The following ESRRG variants were observed in gnomAD, a reference collection of about 807,000 sequenced individuals.
ESRRG encodes estrogen-related receptor gamma.
ESRRG carries 13 observed loss-of-function variants against 44.0 expected under a neutral mutation model. The ratio of observed to expected loss-of-function variants is 0.30; its 90% CI spans 0.19 to 0.47. The LOEUF (loss-of-function observed/expected upper bound fraction) is 0.47. Among genes scored for constraint, ESRRG ranks in the 20% least tolerant of loss-of-function variants. The pLI is 1.00. For synonymous variants in ESRRG, 215 were observed against 214.6 expected (o/e 1.00, Z -0.02); for missense variants, 395 against 580.6 (o/e 0.68, Z 3.29).
intron 1 of ESRRG, among the ~76,000 whole-genome samples, chr1:216,969,810 C>T (rs2071264572): frequency 6.6e-6 from 1 of 152,116 alleles, no homozygotes; most frequent in South Asian, 2.1e-4. Flanking sequence ...GTCTCAAACT[C>T]CTGACCTCAG....
At chr1:216,802,514 T>C (rs2094654893) in intron 2 of ESRRG, among the ~76,000 whole-genome samples, 2 of 152,162 alleles carry the variant, frequency 1.3e-5, no homozygotes, top group African/African-American at 4.8e-5. Flanking sequence ...ACATAATTTG[T>C]GGGGCCCAGT....
At chr1:216,513,172 A>T (rs1408265455) in intron 6 of ESRRG, among the ~76,000 whole-genome samples, 1 of 152,104 alleles carries the variant, frequency 6.6e-6, no homozygotes, top group Non-Finnish European at 1.5e-5. Context: ...CTATATTTTT[A>T]TGTGTTTTTG....
chr1:216,932,134 G>T (rs2149832354), intron 2 of ESRRG, among the ~76,000 whole-genome samples: 1 of 152,238 alleles, frequency 6.6e-6, no homozygotes, highest in South Asian at 2.1e-4. Flanking sequence ...AATCCAGGAG[G>T]CAGAAGTTGC....
chr1:216,776,547 C>T (rs1168469064), intron 2 of ESRRG, among the ~76,000 whole-genome samples: 1 of 152,064 alleles, frequency 6.6e-6, no homozygotes, highest in East Asian at 1.9e-4. Context: ...GTGTCCATAG[C>T]ATAGTTCCTA....
chr1:216,584,175 A>T (rs924157157), intron 3 of ESRRG, among the ~76,000 whole-genome samples: 1 of 152,126 alleles, frequency 6.6e-6, no homozygotes, highest in Non-Finnish European at 1.5e-5. Flanking sequence ...TATAGGGCTT[A>T]TAAGATCTTT....
chr1:216,723,796 G>A (rs531734044), upstream of ESRRG, among the ~76,000 whole-genome samples: 25 of 152,000 alleles, frequency 1.6e-4, no homozygotes, highest in African/African-American at 5.8e-4. Context: ...TCTAAGCACT[G>A]GAGGGATTTG....
chr1:216,973,755 G>A (rs1054386559), intron 1 of ESRRG, among the ~76,000 whole-genome samples: 1 of 151,716 alleles, frequency 6.6e-6, no homozygotes, highest in African/African-American at 2.4e-5. Flanking sequence ...GAACCTGGGA[G>A]GCAGAGGTTG....
Position 216,627,223 on chromosome 1 carries a change from A to G in ESRRG, c.589+23750T>C, listed in dbSNP as rs77014176. Reference sequence around the variant, plus strand: ...TTGTAGCTACAAATTTTAAGATTGTATCTGTAAACTTGGAAACCTCTTAAT... The same window carrying G: ...TTGTAGCTACAAATTTTAAGATTGTGTCTGTAAACTTGGAAACCTCTTAAT... On this transcript the variant is annotated intron_variant, in intron 3 of 6. Coordinates refer to ENST00000408911, the MANE Select transcript of ESRRG (RefSeq NM_001438.4). Among the ~76,000 whole-genome samples the G allele has an allele frequency of 8.8e-3, 1,345 of 152,304 alleles. 25 individuals are homozygous for G. Among genetic ancestry groups the G allele is most frequent in the African/African-American group, 0.031 (1,281 of 41,558 alleles).
At chr1:216,611,759 A>T (rs1374954404) in intron 3 of ESRRG, among the ~76,000 whole-genome samples, 1 of 137,442 alleles carries the variant, frequency 7.3e-6, no homozygotes, top group Non-Finnish European at 1.5e-5. Flanking sequence ...AGAGGTATGT[A>T]AAAAAAAAAA....
intron 1 of ESRRG, among the ~76,000 whole-genome samples, chr1:217,084,039 A>C (rs2091927522): frequency 6.6e-6 from 1 of 152,082 alleles, no homozygotes; most frequent in South Asian, 2.1e-4. Flanking sequence ...TTTCATAGAA[A>C]TGTATGATAA....
chr1:217,036,659 A>G (rs760460453), intron 1 of ESRRG, among the ~76,000 whole-genome samples: 3 of 152,096 alleles, frequency 2.0e-5, no homozygotes, highest in African/African-American at 4.8e-5. Context: ...ACTGGGGCCT[A>G]TTGGAGGGTG....
chr1:216,550,350 A>G (rs1476152906), intron 5 of ESRRG, among the ~76,000 whole-genome samples: 2 of 152,128 alleles, frequency 1.3e-5, no homozygotes, highest in African/African-American at 4.8e-5. Flanking sequence ...TTAGACGGAG[A>G]TTACTATTCC....
At chr1:216,675,682 C>T (rs1224608363) in intron 2 of ESRRG, among the ~76,000 whole-genome samples, 1 of 152,138 alleles carries the variant, frequency 6.6e-6, no homozygotes, top group African/African-American at 2.4e-5. Context: ...TTGCTAGGCC[C>T]ACCCTCAGAG....
chr1:217,016,682 T>A (rs930117746), intron 1 of ESRRG, among the ~76,000 whole-genome samples: 2 of 152,166 alleles, frequency 1.3e-5, no homozygotes, highest in South Asian at 2.1e-4. Context: ...AAAAGAACCA[T>A]CAAAAGAGAT....
At chr1:216,912,359 G>A (rs1353034084) in intron 2 of ESRRG, among the ~76,000 whole-genome samples, 4 of 147,786 alleles carry the variant, frequency 2.7e-5, no homozygotes, top group African/African-American at 1.0e-4. Context: ...AAGGGAGGGA[G>A]GGAGGGAAGG....
chr1:216,741,477 C>T, intron 2 of ESRRG, among the ~76,000 whole-genome samples: 1 of 148,640 alleles, frequency 6.7e-6, no homozygotes, highest in Non-Finnish European at 1.5e-5. Flanking sequence ...CACACACACA[C>T]ATATACCTCT....
intron 2 of ESRRG, among the ~76,000 whole-genome samples, chr1:216,861,720 T>G (rs750816480): frequency 1.3e-4 from 20 of 152,120 alleles, no homozygotes; most frequent in Non-Finnish European, 2.8e-4. Flanking sequence ...TAAAAATGTA[T>G]ACTCTTTAAA....
upstream of ESRRG, among the ~76,000 whole-genome samples, chr1:216,728,408 C>CA (rs1179309857): frequency 1.3e-5 from 2 of 150,562 alleles, no homozygotes; most frequent in Non-Finnish European, 1.5e-5. Flanking sequence ...TAAGAGAGGA[C>CA]AAAATCCCTG....
chr1:216,644,639 G>A (rs184342432), intron 3 of ESRRG, among the ~76,000 whole-genome samples: 140 of 151,442 alleles, frequency 9.2e-4, no homozygotes, highest in Non-Finnish European at 1.8e-3. Context: ...GTTTCATCAC[G>A]TTGCCCAGGC....
Sources: gnomAD v4.1 joint callset for allele counts (sites outside exome capture counted in the v4.1 genomes callset) on GRCh38, gnomAD v4.1.1 for gene constraint, MANE v1.5 for transcripts, NCBI Gene and HGNC (gene_info 2026-07-23, HGNC 2026-07-21) for gene names.